Variants in BICD1 observed in about 807,000 individuals in gnomAD.
BICD1 encodes the protein protein bicaudal D homolog 1.
A neutral mutation model predicts 92.5 loss-of-function variants in BICD1; 35 were observed. That is an observed-to-expected ratio of 0.38 (90% confidence interval 0.29 to 0.50). The LOEUF (loss-of-function observed/expected upper bound fraction) is 0.50. Ranked by LOEUF, BICD1 falls within the 20% of genes least tolerant of loss-of-function variation. BICD1 has a pLI of 0.93. For missense variants in BICD1, 950 were observed against 1,189.8 expected, an observed-to-expected ratio of 0.80 and a Z score of 2.97; for synonymous variants, 429 against 465.1, an observed-to-expected ratio of 0.92 and a Z score of 1.00.
chr12:32,341,464 A>AC, intron 8 of BICD1, among the ~76,000 whole-genome samples: 2 of 39,476 alleles, frequency 5.1e-5, no homozygotes, highest in East Asian at 5.1e-3. Context: ...ACACTGTCTC[A>AC]AAAAAAAAAA....
At chr12:32,137,940 G>GGCAC (rs1437558435) in intron 1 of BICD1, among the ~76,000 whole-genome samples, 1 of 152,096 alleles carries the variant, frequency 6.6e-6, no homozygotes, top group East Asian at 1.9e-4. Context: ...TGGGATTACA[G>GGCAC]GCACGCATCA....
intron 2 of BICD1, among the ~76,000 whole-genome samples, chr12:32,228,977 C>A (rs1258594490): frequency 6.6e-6 from 1 of 151,920 alleles, no homozygotes; most frequent in Non-Finnish European, 1.5e-5. Context: ...TGGCGGGGCA[C>A]CTGGGATCAC....
At chr12:32,373,668 C>T (rs189786348) in intron 9 of BICD1, among the ~76,000 whole-genome samples, 3 of 151,020 alleles carry the variant, frequency 2.0e-5, no homozygotes, top group Admixed American at 6.6e-5. Flanking sequence ...GTCAGGAGTT[C>T]GAGACTGTCA....
At position 32,198,326 on chromosome 12, in the gene BICD1, C is replaced by CTATA. The variant is rs1233094983; in HGVS notation, c.214-17918_214-17917insATAT. Among the ~76,000 whole-genome samples, 525 of 112,212 alleles carry CTATA rather than the reference C, an allele frequency of 4.7e-3. 10 individuals carry two copies. Among genetic ancestry groups the CTATA allele is most frequent in the African/African-American group, 0.017 (486 of 28,322 alleles). 73.6% of individuals were successfully genotyped at this position (112,212 alleles called of 152,430 possible). A position where few individuals can be genotyped will look rare whatever the true frequency, so the allele number is the denominator to read the frequency against. On this transcript the variant is annotated intron_variant, in intron 1 of 9. Coordinates refer to ENST00000652176, the MANE Select transcript of BICD1 (RefSeq NM_001714.4). ...GGATGATTATGGGAATAATATGCAT[C>CTATA]TATCTATATATATATATATATATAT...
intron 1 of BICD1, among the ~76,000 whole-genome samples, chr12:32,127,037 A>G (rs749311197): frequency 2.0e-5 from 3 of 152,168 alleles, no homozygotes; most frequent in Non-Finnish European, 2.9e-5. Context: ...ACCTATACTC[A>G]TATTCTGTAT....
intron 1 of BICD1, among the ~76,000 whole-genome samples, chr12:32,122,011 T>A (rs1942171332): frequency 6.6e-6 from 1 of 152,018 alleles, no homozygotes. Context: ...AGACAGTGTC[T>A]CACAATGTTG....
At chr12:32,317,572 A>C (rs187016267) in intron 4 of BICD1, among the ~76,000 whole-genome samples, 6 of 152,052 alleles carry the variant, frequency 3.9e-5, no homozygotes, top group African/African-American at 1.2e-4. Context: ...TTTTCTTGTA[A>C]ATTTGTATGA....
rs888963660 is a variant in BICD1 at position 32,156,716 on chromosome 12, G to A, written c.213+49172G>A. On this transcript the variant is annotated intron_variant, in intron 1 of 9. Transcript: ENST00000652176. ...AATAGTGCCATGATGGCATCCCTAT[G>A]CTTGGTATTATTTACCCCACGGAGG... 2.0e-5 allele frequency among the ~76,000 whole-genome samples: 3 copies of A among 152,190 alleles called. No individual in the cohort carries two copies. The South Asian group carries it at 6.2e-4, about 31-fold the overall frequency.
At chr12:32,152,477 C>T (rs139376598) in intron 1 of BICD1, among the ~76,000 whole-genome samples, 2 of 152,238 alleles carry the variant, frequency 1.3e-5, no homozygotes, top group East Asian at 1.9e-4. Flanking sequence ...CCTCCTGCCT[C>T]AGCTTCCCAA....
At chr12:32,116,492 T>TC (rs1565524980) in intron 1 of BICD1, among the ~76,000 whole-genome samples, 6 of 123,060 alleles carry the variant, frequency 4.9e-5, no homozygotes, top group South Asian at 2.9e-4. Context: ...CTCTCTCTCT[T>TC]TCTCTCTCTC....
rs1436995564 is a variant in BICD1, at chr12:32,382,907, T to C, written c.*5280T>C. On this transcript the variant is annotated 3_prime_UTR_variant, in exon 10 of 10. Transcript: ENST00000652176. The stretch of plus-strand genomic sequence containing the variant: ...TCATTGGGTTCATAGGTATGATTTG[T>C]GCAGCCAGTCTTAGAGGAAATACAT... 6.6e-6 allele frequency: 1 copy of C among 152,112 alleles called. No homozygotes were observed. The highest frequency in any genetic ancestry group is 2.4e-5 in the African/African-American group (1 of 41,452). 9.4% of individuals were successfully genotyped at this position (152,112 alleles called of 1,614,324 possible). A position where few individuals can be genotyped will look rare whatever the true frequency, so the allele number is the denominator to read the frequency against.
intron 2 of BICD1, among the ~76,000 whole-genome samples, chr12:32,222,721 C>CT (rs1433763956): frequency 4.6e-5 from 7 of 152,312 alleles, no homozygotes; most frequent in Non-Finnish European, 8.8e-5. Flanking sequence ...AAGTCGGGCC[C>CT]TTAGGAGGTG....
chr12:32,277,151 T>C (rs11830737), intron 2 of BICD1, among the ~76,000 whole-genome samples: 12,247 of 152,236 alleles, frequency 0.08, 657 homozygotes, highest in East Asian at 0.21. Flanking sequence ...CCCAGCACTT[T>C]GGGAGGCCGA....
At chr12:32,181,432 A>G (rs935673895) in intron 1 of BICD1, among the ~76,000 whole-genome samples, 1 of 151,570 alleles carries the variant, frequency 6.6e-6, no homozygotes, top group Non-Finnish European at 1.5e-5. Context: ...AAAAAAAAAA[A>G]TTTACTTTTT....
chr12:32,198,324 ATCTATCTAT>A (rs577817851), intron 1 of BICD1, among the ~76,000 whole-genome samples: 14,343 of 57,832 alleles, frequency 0.25, 1,248 homozygotes, highest in South Asian at 0.39. Flanking sequence ...AATAATATGC[ATCTATCTAT>A]ATATATATAT....
chr12:32,351,140 A>G (rs556294303), intron 8 of BICD1, among the ~76,000 whole-genome samples: 3 of 145,716 alleles, frequency 2.1e-5, no homozygotes, highest in Non-Finnish European at 4.5e-5. Context: ...ACTAGATTAG[A>G]TTGTTACTCT....
At chr12:32,375,112 A>T (rs1939895848) in intron 9 of BICD1, among the ~76,000 whole-genome samples, 1 of 150,128 alleles carries the variant, frequency 6.7e-6, no homozygotes, top group Admixed American at 6.7e-5. Flanking sequence ...TTTTTAGTAG[A>T]GACGGGGTTT....
In BICD1 at chr12:32,216,430, C is replaced by T; in HGVS notation, c.397C>T (p.Leu133Phe). 6.2e-7 allele frequency: 1 copy of T among 1,614,124 alleles called. No individual in the cohort carries two copies. Among genetic ancestry groups the T allele is most frequent in the Non-Finnish European group, 8.5e-7 (1 of 1,180,006 alleles). The part of the protein sequence containing the change: ...VTNVQAENER[L>F]TAVVQDLKEN... ...TAATGTACAGGCAGAAAACGAGAGG[C>T]TCACCGCAGTCGTGCAGGATCTGAA... The change falls in exon 2 of 10, where the codon CTC (leucine) becomes TTC (phenylalanine). Residue 133 changes from leucine to phenylalanine, a missense_variant. Coordinates refer to ENST00000652176, the MANE Select transcript of BICD1 (RefSeq NM_001714.4).
chr12:32,198,332 A>ATC lies in BICD1; in HGVS notation c.214-17914_214-17913insCT, dbSNP rs1243687789. ...TTATGGGAATAATATGCATCTATCT[A>ATC]TATATATATATATATATATATTCCA... On this transcript the variant is annotated intron_variant, in intron 1 of 9. Coordinates refer to ENST00000652176, the MANE Select transcript of BICD1 (RefSeq NM_001714.4). 6.8e-4 allele frequency among the ~76,000 whole-genome samples: 73 copies of ATC among 107,422 alleles called. 3 individuals are homozygous for ATC. Among genetic ancestry groups the ATC allele is most frequent in the Middle Eastern group, 9.0e-3 (2 of 222 alleles). The allele number at this position is 107,422 out of a possible 152,430, so 70.5% of individuals were successfully genotyped here.
Sources: gnomAD v4.1 joint callset for allele counts (sites outside exome capture counted in the v4.1 genomes callset) on GRCh38, gnomAD v4.1.1 for gene constraint, MANE v1.5 for transcripts, NCBI Gene and HGNC (gene_info 2026-07-23, HGNC 2026-07-21) for gene names.